Variants in C10orf90 observed in about 807,000 individuals in gnomAD.
The protein encoded by C10orf90 is (E2-independent) E3 ubiquitin-conjugating enzyme FATS.
In C10orf90, 56 loss-of-function variants were observed where a neutral mutation model predicts 62.5. The observed-to-expected ratio is 0.90, with a 90% CI of 0.72 to 1.12. The LOEUF (loss-of-function observed/expected upper bound fraction) is 1.12, where lower values mean the gene tolerates loss of function less well. C10orf90 is among the 50% of genes most tolerant of loss of function. The pLI is 0.00. For missense variants in C10orf90, 970 were observed against 880.4 expected, an observed-to-expected ratio of 1.10 and a Z score of -1.29; for synonymous variants, 386 against 340.4, an observed-to-expected ratio of 1.13 and a Z score of -1.47.
chr10:126,463,613 A>G (rs1860126309), intron 5 of C10orf90, among the ~76,000 whole-genome samples: 1 of 152,156 alleles, frequency 6.6e-6, no homozygotes, highest in African/African-American at 2.4e-5. Flanking sequence ...TGTCCCAGCC[A>G]CTTGCGTCAT....
At chr10:126,596,723 C>T (rs1845094052) in intron 2 of C10orf90, among the ~76,000 whole-genome samples, 1 of 152,128 alleles carries the variant, frequency 6.6e-6, no homozygotes, top group Admixed American at 6.5e-5. Context: ...AATTGAGAAA[C>T]AGAATGGTTG....
intron 2 of C10orf90, among the ~76,000 whole-genome samples, chr10:126,589,943 A>G (rs927380930): frequency 7.2e-5 from 11 of 152,198 alleles, no homozygotes; most frequent in African/African-American, 9.7e-5. Flanking sequence ...CTGTCTTCAA[A>G]AAACCCATCT....
intron 1 of C10orf90, among the ~76,000 whole-genome samples, chr10:126,657,988 G>C (rs2133867401): frequency 6.6e-6 from 1 of 152,254 alleles, no homozygotes; most frequent in Non-Finnish European, 1.5e-5. Flanking sequence ...GGGCAGAGGA[G>C]GCACATGCAC....
chr10:126,571,303 G>A (rs144091460), intron 2 of C10orf90, among the ~76,000 whole-genome samples: 13 of 152,308 alleles, frequency 8.5e-5, no homozygotes, highest in African/African-American at 3.1e-4. Context: ...ACTTGTCCAG[G>A]CCAAAGGGCA....
intron 2 of C10orf90, among the ~76,000 whole-genome samples, chr10:126,529,695 G>C (rs1429971999): frequency 6.6e-6 from 1 of 152,102 alleles, no homozygotes; most frequent in Non-Finnish European, 1.5e-5. Flanking sequence ...ACCCAGATTG[G>C]CAAAAAATCA....
intron 4 of C10orf90, among the ~76,000 whole-genome samples, chr10:126,470,443 C>T (rs1312549797): frequency 6.6e-6 from 1 of 152,136 alleles, no homozygotes; most frequent in East Asian, 1.9e-4. Flanking sequence ...TTTTAAAAAA[C>T]AAGAGGTTGA....
intron 2 of C10orf90, among the ~76,000 whole-genome samples, chr10:126,556,061 G>A (rs1265641495): frequency 6.6e-6 from 1 of 152,194 alleles, no homozygotes; most frequent in Non-Finnish European, 1.5e-5. Context: ...GTCTGGCCTA[G>A]CCTGCATCAG....
chr10:126,669,837 T>C lies in C10orf90; in HGVS notation c.240+404A>G, dbSNP rs375592268. ...TGAAGGCACGTCATACATATTCTCC[T>C]ACAAAACGCAACAGGAAACAAGTAG... is the stretch of plus-strand genomic sequence containing the variant. On this transcript the variant is annotated intron_variant, in intron 1 of 9. Transcript: ENST00000488181. 3.3e-5 allele frequency among the ~76,000 whole-genome samples: 5 copies of C among 152,236 alleles called. No homozygotes were observed. The South Asian group carries it at 6.2e-4, about 19-fold the overall frequency.
chr10:126,543,662 A>G (rs1564864940), intron 2 of C10orf90, among the ~76,000 whole-genome samples: 1 of 152,220 alleles, frequency 6.6e-6, no homozygotes, highest in African/African-American at 2.4e-5. Context: ...TTTGCCTCTG[A>G]TGGTCACATT....
chr10:126,590,143 TTATAAA>T (rs1349150932), intron 2 of C10orf90, among the ~76,000 whole-genome samples: 1 of 152,156 alleles, frequency 6.6e-6, no homozygotes, highest in African/African-American at 2.4e-5. Context: ...GAGCTAACTG[TTATAAA>T]TATATATGTA....
chr10:126,657,614 T>G (rs536635514), intron 1 of C10orf90, among the ~76,000 whole-genome samples: 1 of 151,704 alleles, frequency 6.6e-6, no homozygotes, highest in African/African-American at 2.4e-5. Flanking sequence ...TTGTCTTTTT[T>G]TTTTTCTTTT....
chr10:126,651,855 G>T (rs529642500), intron 1 of C10orf90, among the ~76,000 whole-genome samples: 26 of 152,318 alleles, frequency 1.7e-4, no homozygotes, highest in South Asian at 1.2e-3. Flanking sequence ...CATTATTGGA[G>T]TCCAAAGGAA....
At chr10:126,449,972 G>A (rs537188374) in intron 7 of C10orf90, among the ~76,000 whole-genome samples, 1 of 147,570 alleles carries the variant, frequency 6.8e-6, no homozygotes, top group Non-Finnish European at 1.5e-5. Flanking sequence ...ACTCCAGCCT[G>A]GGTGACAGAG....
At chr10:126,428,820 T>C (rs969102481) in intron 8 of C10orf90, among the ~76,000 whole-genome samples, 3 of 152,172 alleles carry the variant, frequency 2.0e-5, no homozygotes, top group Admixed American at 1.3e-4. Context: ...TAAAGCCCAG[T>C]GGCCCTTTAA....
chr10:126,650,623 T>A (rs555360445), intron 1 of C10orf90, among the ~76,000 whole-genome samples: 1 of 152,116 alleles, frequency 6.6e-6, no homozygotes, highest in African/African-American at 2.4e-5. Flanking sequence ...AGAACTATGA[T>A]TAGGATCAAG....
At chr10:126,616,719 G>A (rs1845548935) in intron 2 of C10orf90, among the ~76,000 whole-genome samples, 1 of 152,100 alleles carries the variant, frequency 6.6e-6, no homozygotes, top group Non-Finnish European at 1.5e-5. Flanking sequence ...TTAATTAATG[G>A]CCATTCACCA....
intron 2 of C10orf90, among the ~76,000 whole-genome samples, chr10:126,535,176 TAGAG>T (rs202183355): frequency 3.3e-5 from 5 of 150,800 alleles, no homozygotes; most frequent in African/African-American, 1.2e-4. Context: ...TGTGTATGTT[TAGAG>T]AGAGAGAGAG....
rs973135621 is a variant in C10orf90, at chr10:126,448,121, C to T, written c.2188+10919G>A. On this transcript the variant is annotated intron_variant, in intron 7 of 9. Coordinates refer to ENST00000488181, the MANE Select transcript of C10orf90 (RefSeq NM_001350921.2). ...TCTTGACCTCATGATCCCCCTGCCTCGGCCTCCCAAAATGCTAGGATTACA... is the reference window on the plus strand; with the variant it reads ...TCTTGACCTCATGATCCCCCTGCCTTGGCCTCCCAAAATGCTAGGATTACA... 2.0e-5 allele frequency among the ~76,000 whole-genome samples: 3 copies of T among 147,904 alleles called. No individual in the cohort carries two copies. In the East Asian group the frequency reaches 6.0e-4, roughly 30 times the overall value.
intron 2 of C10orf90, among the ~76,000 whole-genome samples, chr10:126,579,435 T>C (rs1374725561): frequency 6.6e-6 from 1 of 151,982 alleles, no homozygotes; most frequent in African/African-American, 2.4e-5. Flanking sequence ...GAGATGGGGT[T>C]TCATCACATT....
Sources: gnomAD v4.1 joint callset for allele counts (sites outside exome capture counted in the v4.1 genomes callset) on GRCh38, gnomAD v4.1.1 for gene constraint, MANE v1.5 for transcripts, NCBI Gene and HGNC (gene_info 2026-07-23, HGNC 2026-07-21) for gene names.